The following ARHGAP15 variants were observed in gnomAD, a reference collection of about 807,000 sequenced individuals.
ARHGAP15 encodes rho GTPase-activating protein 15.
In ARHGAP15, 51 loss-of-function variants were observed where a neutral mutation model predicts 63.7. The ratio of observed to expected loss-of-function variants is 0.80; its 90% confidence interval spans 0.64 to 1.01. ARHGAP15 has a LOEUF of 1.01. ARHGAP15 is among the 50% of genes least tolerant of loss of function. ARHGAP15 has a pLI of 0.00. For missense variants in ARHGAP15, 560 were observed against 564.6 expected (o/e 0.99, Z 0.08); for synonymous variants, 191 against 193.8 (o/e 0.99, Z 0.12).
chr2:143,456,486 G>A (rs953774897), intron 8 of ARHGAP15, among the ~76,000 whole-genome samples: 1 of 151,960 alleles, frequency 6.6e-6, no homozygotes, highest in Non-Finnish European at 1.5e-5. Context: ...TAAAGTGAAA[G>A]CATTTCCCTT....
intron 8 of ARHGAP15, among the ~76,000 whole-genome samples, chr2:143,441,191 A>G (rs1201325399): frequency 6.6e-6 from 1 of 152,124 alleles, no homozygotes; most frequent in East Asian, 1.9e-4. Context: ...AGCAGGGCAT[A>G]TAAGCTTGCC....
chr2:143,159,901 A>T (rs1303370208), intron 2 of ARHGAP15, among the ~76,000 whole-genome samples: 1 of 151,904 alleles, frequency 6.6e-6, no homozygotes, highest in African/African-American at 2.4e-5. Context: ...CTGCATAAAG[A>T]TTATTAAAGC....
intron 8 of ARHGAP15, among the ~76,000 whole-genome samples, chr2:143,441,668 C>T (rs1387827521): frequency 6.6e-6 from 1 of 152,088 alleles, no homozygotes; most frequent in Admixed American, 6.6e-5. Flanking sequence ...CTGTAAAATC[C>T]ATGAGTGTGG....
chr2:143,158,539 TAATAA>T (rs1189931041), intron 2 of ARHGAP15, among the ~76,000 whole-genome samples: 1 of 151,954 alleles, frequency 6.6e-6, no homozygotes, highest in Non-Finnish European at 1.5e-5. Context: ...AAAATTTGGT[TAATAA>T]AATCAATGCC....
chr2:143,486,396 T>G (rs1477130531), intron 8 of ARHGAP15, among the ~76,000 whole-genome samples: 1 of 129,750 alleles, frequency 7.7e-6, no homozygotes, highest in Non-Finnish European at 1.6e-5. Context: ...TGAAGTGAGA[T>G]CCCATTTCTA....
intron 12 of ARHGAP15, 37 bp from the exon 13 acceptor site, chr2:143,703,381 GT>G: frequency 6.4e-7 from 1 of 1,566,212 alleles, no homozygotes; most frequent in South Asian, 1.2e-5. Flanking sequence ...ATGAAATCTT[GT>G]TTTTTCCCTA....
chr2:143,458,338 C>A (rs935589204), intron 8 of ARHGAP15, among the ~76,000 whole-genome samples: 1 of 152,130 alleles, frequency 6.6e-6, no homozygotes, highest in African/African-American at 2.4e-5. Context: ...GCTGTGTCTG[C>A]AGCTATAGTG....
At chr2:143,214,483 A>G (rs966661985) in intron 3 of ARHGAP15, among the ~76,000 whole-genome samples, 2 of 152,308 alleles carry the variant, frequency 1.3e-5, no homozygotes, top group South Asian at 2.1e-4. Context: ...TGGCACCAAG[A>G]AAAAGGGACA....
chr2:143,224,167 G>A lies in ARHGAP15; in HGVS notation c.297-4414G>A, dbSNP rs748379145. ...CAGCGTGGGAAGCCCTCTGGAGAAA[G>A]CTCAGGTATTGGACACTAGAAGCAT... On this transcript the variant is annotated intron_variant, in intron 4 of 13. Coordinates refer to ENST00000295095, the MANE Select transcript of ARHGAP15 (RefSeq NM_018460.4). Among the ~76,000 whole-genome samples the A allele has an allele frequency of 9.4e-4, 143 of 152,116 alleles. 2 individuals are homozygous for A. Among genetic ancestry groups the A allele is most frequent in the Non-Finnish European group, 2.8e-4 (19 of 68,012 alleles).
intron 6 of ARHGAP15, among the ~76,000 whole-genome samples, chr2:143,414,069 C>T (rs1050725974): frequency 1.3e-5 from 2 of 151,114 alleles, no homozygotes; most frequent in Non-Finnish European, 2.9e-5. Flanking sequence ...TTTTAGAGGA[C>T]TATTAATCAC....
intron 2 of ARHGAP15, among the ~76,000 whole-genome samples, chr2:143,163,635 C>T (rs115990027): frequency 0.021 from 3,211 of 152,030 alleles, 101 homozygotes; most frequent in African/African-American, 0.072. Context: ...GTTTCAAGGA[C>T]AGAATAAATA....
intron 13 of ARHGAP15, among the ~76,000 whole-genome samples, chr2:143,718,323 G>C (rs1684900918): frequency 6.6e-6 from 1 of 152,096 alleles, no homozygotes; most frequent in Non-Finnish European, 1.5e-5. Context: ...AGTCCCTAGG[G>C]GGCAAAGAAA....
intron 6 of ARHGAP15, among the ~76,000 whole-genome samples, chr2:143,390,581 A>G (rs1183622993): frequency 6.6e-6 from 1 of 152,086 alleles, no homozygotes; most frequent in African/African-American, 2.4e-5. Flanking sequence ...ATGGAGCAGG[A>G]GATGCTCTGC....
At chr2:143,255,791 A>G (rs1018833081) in intron 6 of ARHGAP15, among the ~76,000 whole-genome samples, 3 of 152,154 alleles carry the variant, frequency 2.0e-5, no homozygotes, top group African/African-American at 7.2e-5. Context: ...TCATACATGC[A>G]TTAGATTTCC....
At chr2:143,164,979 G>A (rs903476385) in intron 2 of ARHGAP15, among the ~76,000 whole-genome samples, 1 of 151,922 alleles carries the variant, frequency 6.6e-6, no homozygotes, top group African/African-American at 2.4e-5. Context: ...GTATCAAAAT[G>A]TTTTAGATGT....
At chr2:143,543,490 C>T (rs58857484) in intron 10 of ARHGAP15, among the ~76,000 whole-genome samples, 1 of 151,912 alleles carries the variant, frequency 6.6e-6, no homozygotes, top group African/African-American at 2.4e-5. Flanking sequence ...TAATTTCTCC[C>T]ATTCTATAGG....
intron 6 of ARHGAP15, among the ~76,000 whole-genome samples, chr2:143,369,261 A>G (rs1686436856): frequency 6.6e-6 from 1 of 152,166 alleles, no homozygotes; most frequent in African/African-American, 2.4e-5. Flanking sequence ...TTCAAATAGT[A>G]TTCACTGATC....
chr2:143,132,988 G>A (rs1688972842), intron 1 of ARHGAP15, among the ~76,000 whole-genome samples: 1 of 152,140 alleles, frequency 6.6e-6, no homozygotes, highest in African/African-American at 2.4e-5. Flanking sequence ...TAATTATGAT[G>A]CAAATACAAT....
At chr2:143,231,942 C>T (rs1693460511) in intron 5 of ARHGAP15, among the ~76,000 whole-genome samples, 1 of 152,178 alleles carries the variant, frequency 6.6e-6, no homozygotes, top group East Asian at 1.9e-4. Flanking sequence ...CCTTTATGAT[C>T]TAATTACCTC....
Sources: allele counts gnomAD v4.1 joint callset (sites outside exome capture counted in the v4.1 genomes callset), GRCh38; gene constraint gnomAD v4.1.1; transcripts MANE v1.5; gene names NCBI Gene and HGNC (gene_info 2026-07-23, HGNC 2026-07-21).